NR1H2: variants seen among roughly 807,000 people sequenced by gnomAD.
NR1H2 encodes the protein oxysterols receptor LXR-beta.
Under a neutral mutation model 51.2 loss-of-function variants are expected in NR1H2, and 33 were observed. That is an observed-to-expected ratio of 0.64 (90% confidence interval 0.49 to 0.86). The LOEUF is 0.86. Ranked by LOEUF, NR1H2 falls within the 40% of genes least tolerant of loss-of-function variation. The pLI, the probability that NR1H2 is intolerant of heterozygous loss-of-function variation, is 0.00. For synonymous variants in NR1H2, 310 were observed against 264.3 expected (o/e 1.17, Z -1.68); for missense variants, 592 against 639.9 (o/e 0.93, Z 0.81).
rs1248563109 is a variant in NR1H2, at chr19:50,383,279, G to A, written c.*677G>A. 1.3e-5 allele frequency among the ~76,000 whole-genome samples: 2 copies of A among 152,252 alleles called. No individual in the cohort carries two copies. Among genetic ancestry groups the A allele is most frequent in the Non-Finnish European group, 2.9e-5 (2 of 68,052 alleles). ...GGATTTAAGTGAATGAGGGGACCTG[G>A]ACTTCTGTCCGAACAACAAGTGTTT... On this transcript the variant is annotated 3_prime_UTR_variant, in exon 10 of 10. Transcript: ENST00000253727.
chr19:50,381,844 T>C, intron 8 of NR1H2, 122 bp from the exon 9 acceptor site: 1 of 845,120 alleles, frequency 1.2e-6, no homozygotes, highest in East Asian at 2.7e-5. Context: ...TGGACAGAAA[T>C]GACAAGAACG....
Position 50,382,872 on chromosome 19 carries a change from C to T in NR1H2, c.*270C>T. On this transcript the variant is annotated 3_prime_UTR_variant, in exon 10 of 10. Coordinates refer to ENST00000253727, the MANE Select transcript of NR1H2 (RefSeq NM_007121.7). The stretch of plus-strand genomic sequence containing the variant: ...CAGCTTACACCTCAAGCCCAGCACG[C>T]AGTGCACCTTGAACAGAGGGAGGGG... The T allele has an allele frequency of 2.7e-6, 1 of 376,180 alleles. No homozygotes were observed. Among genetic ancestry groups the T allele is most frequent in the East Asian group, 4.3e-5 (1 of 23,026 alleles). 23.3% of individuals were successfully genotyped at this position (376,180 alleles called of 1,614,324 possible). A position where few individuals can be genotyped will look rare whatever the true frequency, so the allele number is the denominator to read the frequency against.
rs375330814 is a variant in NR1H2, at chr19:50,377,815, G to A, written c.126G>A (p.Pro42=). 8.2e-5 allele frequency: 132 copies of A among 1,608,838 alleles called. No homozygotes were observed. In the African/African-American group the frequency reaches 9.0e-4, roughly 11 times the overall value. Residue 42 remains proline, a synonymous_variant, in exon 4 of 10, where the codon CCG becomes CCA. Transcript: ENST00000253727. ...EEGPEPWPGG[P]DPDVPGTDEA... Reference sequence around the variant, plus strand: ...GTCCGGAGCCGTGGCCCGGGGGTCCGGACCCTGATGTCCCAGGCACTGATG... The same window carrying A: ...GTCCGGAGCCGTGGCCCGGGGGTCCAGACCCTGATGTCCCAGGCACTGATG...
rs368460410 is a variant in NR1H2 at position 50,378,461 on chromosome 19, G to A, written c.472+22G>A. On this transcript the variant is annotated intron_variant, in intron 5 of 9. Transcript: ENST00000253727. ...CAGTGTGAGTGCAGCGGGAGGGGGCGGTGCCGGCCTGGCCCCCCGCCTAGC... is the reference window on the plus strand; with the variant it reads ...CAGTGTGAGTGCAGCGGGAGGGGGCAGTGCCGGCCTGGCCCCCCGCCTAGC... 2.9e-5 allele frequency: 45 copies of A among 1,577,976 alleles called. No homozygotes were observed. In the African/African-American group the frequency reaches 3.9e-4, roughly 14 times the overall value.
intron 4 of NR1H2, 132 bp downstream of exon 4, chr19:50,378,002 T>C: frequency 7.0e-7 from 1 of 1,426,558 alleles, no homozygotes; most frequent in Non-Finnish European, 9.4e-7. Context: ...TATACATCTT[T>C]CTAAATTGCA....
rs199614544 is a variant in NR1H2, at chr19:50,378,317, G to T, written c.350G>T (p.Arg117Leu). 1 of 1,613,090 alleles carries T rather than the reference G, an allele frequency of 6.2e-7. No homozygotes were observed. Among genetic ancestry groups the T allele is most frequent in the Non-Finnish European group, 8.5e-7 (1 of 1,179,990 alleles). ...CKGFFRRSVVRGGARRYACRG... is the reference protein window; with the variant it reads ...CKGFFRRSVVLGGARRYACRG... ...GGCTTCTTCCGGCGCAGTGTGGTCC[G>T]TGGTGGGGCCAGGCGCTATGCCTGC... The change falls in exon 5 of 10, where the codon CGT (arginine) becomes CTT (leucine). Residue 117 changes from arginine (R) to leucine (L), a missense_variant. By Grantham distance (102) the Arg-to-Leu change is moderately radical (BLOSUM62 -2). Transcript: ENST00000253727.
rs570889133 is a variant in NR1H2 at position 50,377,759 on chromosome 19, CCTT to C, written c.78_80del (p.Ser27del). The stretch of plus-strand genomic sequence containing the variant: ...AAATGGCCCCCCTCAGCCTGGCGCC[CCTT>C]CTTCTTCACCCACTGTAAAGGAGGA... On this transcript the variant is annotated inframe_deletion, in exon 4 of 10. Coordinates refer to ENST00000253727, the MANE Select transcript of NR1H2 (RefSeq NM_007121.7). 26 of 1,608,904 alleles carry C rather than the reference CCTT, an allele frequency of 1.6e-5. No homozygotes were observed. Among genetic ancestry groups the C allele is most frequent in the Middle Eastern group, 3.3e-4 (2 of 6,056 alleles).
chr19:50,380,041 T>C (rs960238806), intron 8 of NR1H2, among the ~76,000 whole-genome samples, 162 bp downstream of exon 8: 1 of 152,096 alleles, frequency 6.6e-6, no homozygotes, highest in African/African-American at 2.4e-5. Flanking sequence ...CCACGTGTGG[T>C]GGTGCACGCC....
chr19:50,378,108 C>G, intron 4 of NR1H2, 41 bp from the exon 5 acceptor site: 1 of 1,570,656 alleles, frequency 6.4e-7, no homozygotes, highest in Non-Finnish European at 8.7e-7. Context: ...GTTCCTGTTT[C>G]TCCTTGTGGC....
At chr19:50,381,188 A>G (rs1353171385) in intron 8 of NR1H2, among the ~76,000 whole-genome samples, 46 of 152,172 alleles carry the variant, frequency 3.0e-4, no homozygotes, top group Admixed American at 3.0e-3. Flanking sequence ...AACTGGTCCT[A>G]GTTTGCCCAG....
chr19:50,379,423 T>A (rs1161797353), intron 7 of NR1H2, among the ~76,000 whole-genome samples: 2 of 152,142 alleles, frequency 1.3e-5, no homozygotes, highest in Non-Finnish European at 2.9e-5. Flanking sequence ...AGCATTTGAA[T>A]CAAAGTAGGG....
At position 50,377,349 on chromosome 19, in the gene NR1H2, C is replaced by T. The variant is rs990727050; in HGVS notation, c.-19-238C>T. ...AGCAGGTGGATTGGACCTGAGGGGG[C>T]GGGGCCTACAGCAGGGGCGGGGCTT... On this transcript the variant is annotated intron_variant, in intron 2 of 9. Transcript: ENST00000253727. The T allele has an allele frequency of 7.0e-5, 30 of 431,274 alleles. 1 individual carries two copies. Among genetic ancestry groups the T allele is most frequent in the African/African-American group, 3.6e-4 (15 of 41,680 alleles). 26.7% of individuals were successfully genotyped at this position (431,274 alleles called of 1,614,324 possible). A position where few individuals can be genotyped will look rare whatever the true frequency, so the allele number is the denominator to read the frequency against.
At chr19:50,377,900 G>C (rs1444621502) in intron 4 of NR1H2, 30 bp downstream of exon 4, 1 of 1,520,658 alleles carries the variant, frequency 6.6e-7, no homozygotes, top group South Asian at 1.3e-5. Context: ...TTGATGTGGG[G>C]GCTTGGGGAG....
rs760856448 is a variant in NR1H2 at position 50,379,207 on chromosome 19, A to G, written c.927+26A>G. ...GTAATGGTCCATCTGCCCACAAGGA[A>G]CCCCAGAGATAGCTCCAGGACAGAT... On this transcript the variant is annotated intron_variant, in intron 7 of 9. Coordinates refer to ENST00000253727, the MANE Select transcript of NR1H2 (RefSeq NM_007121.7). 6 of 1,594,956 alleles carry G rather than the reference A, an allele frequency of 3.8e-6. No individual in the cohort carries two copies. In the South Asian group the frequency reaches 5.7e-5, roughly 15 times the overall value.
At chr19:50,378,026 T>G in intron 4 of NR1H2, 123 bp from the exon 5 acceptor site, 1 of 1,410,538 alleles carries the variant, frequency 7.1e-7, no homozygotes, top group South Asian at 1.4e-5. Flanking sequence ...TCCCTGAATG[T>G]GAGCAGCAAC....
rs1179748734 is a variant in NR1H2 at position 50,378,273 on chromosome 19, C to A, written c.306C>A (p.Leu102=). The change falls in exon 5 of 10, where the codon CTC becomes CTA. Residue 102 remains leucine, a synonymous_variant. Coordinates refer to ENST00000253727, the MANE Select transcript of NR1H2 (RefSeq NM_007121.7). ...CCTCCGGCTTCCACTACAACGTGCT[C>A]AGCTGCGAAGGCTGCAAGGGCTTCT... ...DKASGFHYNV[L]SCEGCKGFFR... 1 of 1,613,568 alleles carries A rather than the reference C, an allele frequency of 6.2e-7. No homozygotes were observed. Among genetic ancestry groups the A allele is most frequent in the Middle Eastern group, 1.6e-4 (1 of 6,062 alleles).
In NR1H2 at chr19:50,377,787, AGGGTCCGGAGCCGTGGCCCGG is replaced by A. The variant is rs1036539481; in HGVS notation, c.108_128del (p.Glu36_Pro42del). ...TCTTCTTCACCCACTGTAAAGGAGG[AGGGTCCGGAGCCGTGGCCCGG>A]GGGTCCGGACCCTGATGTCCCAGGC... On this transcript the variant is annotated inframe_deletion, in exon 4 of 10. Transcript: ENST00000253727. The A allele has an allele frequency of 2.1e-5, 34 of 1,610,442 alleles. No homozygotes were observed. Among genetic ancestry groups the A allele is most frequent in the Non-Finnish European group, 2.6e-5 (31 of 1,178,480 alleles).
intron 7 of NR1H2, 33 bp from the exon 8 acceptor site, chr19:50,379,747 G>C (rs1249149881): frequency 7.0e-7 from 1 of 1,418,880 alleles, no homozygotes; most frequent in East Asian, 2.3e-5. Flanking sequence ...AGGGTCACAG[G>C]GCTCAAGCTC....
At chr19:50,381,825 G>A in intron 8 of NR1H2, 141 bp from the exon 9 acceptor site, 2 of 716,568 alleles carry the variant, frequency 2.8e-6, no homozygotes, top group South Asian at 3.7e-5. Context: ...CATGGGCACG[G>A]GGCACAGGTG....
Sources: gnomAD v4.1 joint callset for allele counts (sites outside exome capture counted in the v4.1 genomes callset) on GRCh38, gnomAD v4.1.1 for gene constraint, MANE v1.5 for transcripts, NCBI Gene and HGNC (gene_info 2026-07-23, HGNC 2026-07-21) for gene names.